CFAP221: variants seen among roughly 807,000 people sequenced by gnomAD.
The protein encoded by CFAP221 is cilia- and flagella-associated protein 221.
A neutral mutation model predicts 113.1 loss-of-function variants in CFAP221; 97 were observed. The observed-to-expected ratio is 0.86, with a 90% CI of 0.73 to 1.02. CFAP221 has a LOEUF of 1.02. CFAP221 is among the 50% of genes least tolerant of loss of function. The pLI is 0.00. For missense variants in CFAP221, 1,025 were observed against 1,013.4 expected, an observed-to-expected ratio of 1.01 and a Z score of -0.16; for synonymous variants, 331 against 354.4, an observed-to-expected ratio of 0.93 and a Z score of 0.74.
rs1430632611 is a variant in CFAP221, at chr2:119,605,273, G to A, written c.1117G>A (p.Glu373Lys). 4.3e-6 allele frequency: 7 copies of A among 1,612,596 alleles called. No homozygotes were observed. In the African/African-American group the frequency reaches 9.3e-5, roughly 22 times the overall value. Residue 373 changes from glutamate to lysine, a missense_variant, in exon 11 of 24, where the codon GAA becomes AAA. Physicochemically the swap from Glu to Lys is moderately conservative, Grantham distance 56. Coordinates refer to ENST00000413369, the MANE Select transcript of CFAP221 (RefSeq NM_001271049.2). ...KVRQDIHEEM[E>K]NHLKWQVHLG... is the part of the protein sequence containing the mutation. ...CAGACAGGACATTCACGAAGAGATG[G>A]AAAATCATCTTAAGTGGTAAATATT...
chr2:119,584,391 A>T (rs964245325), intron 6 of CFAP221, among the ~76,000 whole-genome samples: 3 of 152,146 alleles, frequency 2.0e-5, no homozygotes, highest in African/African-American at 7.2e-5. Flanking sequence ...GTTCGAGACA[A>T]GCCTGGGCAA....
chr2:119,632,095 A>C (rs927451143), intron 19 of CFAP221, among the ~76,000 whole-genome samples: 1 of 151,996 alleles, frequency 6.6e-6, no homozygotes. Context: ...AGGAAGGAAT[A>C]ATACAAAATC....
chr2:119,648,369 C>A, intron 22 of CFAP221: 1 of 210,412 alleles, frequency 4.8e-6, no homozygotes, highest in South Asian at 6.2e-5. Flanking sequence ...AGTGTTATGT[C>A]TCAAGTGTAG....
intron 6 of CFAP221, among the ~76,000 whole-genome samples, chr2:119,574,520 G>A (rs1682297201): frequency 6.6e-6 from 1 of 152,228 alleles, no homozygotes; most frequent in Non-Finnish European, 1.5e-5. Flanking sequence ...AAAGGTGACA[G>A]TTGTGGATGG....
intron 13 of CFAP221, among the ~76,000 whole-genome samples, chr2:119,614,608 A>C (rs1685400565): frequency 6.6e-6 from 1 of 152,162 alleles, no homozygotes; most frequent in Non-Finnish European, 1.5e-5. Flanking sequence ...GAACTAACTC[A>C]CTATCACGAG....
At chr2:119,588,131 T>C (rs1347049178) in intron 7 of CFAP221, among the ~76,000 whole-genome samples, 2 of 152,204 alleles carry the variant, frequency 1.3e-5, no homozygotes, top group Non-Finnish European at 2.9e-5. Flanking sequence ...AAGATAATAT[T>C]TCAGATGTTA....
At chr2:119,616,306 A>C (rs181594977) in intron 14 of CFAP221, among the ~76,000 whole-genome samples, 3 of 152,378 alleles carry the variant, frequency 2.0e-5, no homozygotes. Flanking sequence ...GCTGAATAAT[A>C]TTCCATTGTA....
At chr2:119,659,923 A>T (rs1299177748), downstream of CFAP221, among the ~76,000 whole-genome samples, 1 of 152,170 alleles carries the variant, frequency 6.6e-6, no homozygotes, top group Non-Finnish European at 1.5e-5. Flanking sequence ...CTCAGCATCC[A>T]CGCTTAATAC....
intron 8 of CFAP221, chr2:119,601,599 G>A (rs945140040): frequency 4.4e-6 from 2 of 455,036 alleles, no homozygotes; most frequent in African/African-American, 2.0e-5. Context: ...ACAAGAAAAA[G>A]GGATTTTTGA....
chr2:119,634,871 C>A (rs547717717), intron 19 of CFAP221, among the ~76,000 whole-genome samples: 3 of 152,294 alleles, frequency 2.0e-5, no homozygotes, highest in South Asian at 2.1e-4. Flanking sequence ...TCAAGAAAGA[C>A]AAATCTGCTC....
intron 11 of CFAP221, among the ~76,000 whole-genome samples, chr2:119,607,896 G>A (rs1684879378): frequency 6.6e-6 from 1 of 152,150 alleles, no homozygotes; most frequent in Admixed American, 6.5e-5. Context: ...CATTTTGCTT[G>A]TTCATTCATC....
chr2:119,546,333 G>C (rs1323502354), intron 2 of CFAP221, 63 bp downstream of exon 2: 4 of 1,484,584 alleles, frequency 2.7e-6, no homozygotes, highest in Non-Finnish European at 3.6e-6. Flanking sequence ...CCAAAGTCCA[G>C]AGAGCATAAT....
intron 5 of CFAP221, among the ~76,000 whole-genome samples, chr2:119,561,579 G>C (rs1430905787): frequency 6.6e-6 from 1 of 150,612 alleles, no homozygotes; most frequent in African/African-American, 2.5e-5. Flanking sequence ...TCCTTCTGAA[G>C]GTTAACGTCA....
chr2:119,613,292 A>G (rs1482915881), intron 13 of CFAP221, among the ~76,000 whole-genome samples: 1 of 152,138 alleles, frequency 6.6e-6, no homozygotes, highest in African/African-American at 2.4e-5. Flanking sequence ...GGTCTGGAGG[A>G]TGGTGGCCCT....
At chr2:119,591,547 T>C (rs2104630802) in intron 7 of CFAP221, among the ~76,000 whole-genome samples, 1 of 152,360 alleles carries the variant, frequency 6.6e-6, no homozygotes, top group Non-Finnish European at 1.5e-5. Context: ...ACATGCACCA[T>C]CTCATTGAAT....
intron 11 of CFAP221, 54 bp downstream of exon 11, chr2:119,605,343 A>G: frequency 7.4e-7 from 1 of 1,344,108 alleles, no homozygotes; most frequent in African/African-American, 1.4e-5. Flanking sequence ...TTTTTAGGTG[A>G]TGATCTTTTA....
At chr2:119,575,029 G>T (rs1682339422) in intron 6 of CFAP221, among the ~76,000 whole-genome samples, 2 of 152,114 alleles carry the variant, frequency 1.3e-5, no homozygotes, top group Admixed American at 6.5e-5. Flanking sequence ...GGCAGCTGGG[G>T]ATCCTGCCGG....
intron 7 of CFAP221, among the ~76,000 whole-genome samples, chr2:119,597,300 G>A (rs973740534): frequency 1.3e-5 from 2 of 152,230 alleles, no homozygotes; most frequent in South Asian, 2.1e-4. Context: ...GTCAGGGTCT[G>A]TGTGGTCCTG....
At chr2:119,611,160 A>C (rs768208625) in intron 12 of CFAP221, among the ~76,000 whole-genome samples, 2 of 152,150 alleles carry the variant, frequency 1.3e-5, no homozygotes, top group Non-Finnish European at 2.9e-5. Flanking sequence ...GACTCTGAGG[A>C]GCTTAAAACT....
Sources: allele counts gnomAD v4.1 joint callset (sites outside exome capture counted in the v4.1 genomes callset), GRCh38; gene constraint gnomAD v4.1.1; transcripts MANE v1.5; gene names NCBI Gene and HGNC (gene_info 2026-07-23, HGNC 2026-07-21).